B4GALNT3: variants seen among roughly 807,000 people sequenced by gnomAD.
B4GALNT3 encodes the protein beta-1,4-N-acetylgalactosaminyltransferase 3.
B4GALNT3 carries 86 observed loss-of-function variants against 120.2 expected under a neutral mutation model. That is an observed-to-expected ratio of 0.72 (90% CI 0.60 to 0.86). The LOEUF is 0.86. B4GALNT3 is among the 40% of genes least tolerant of loss of function. B4GALNT3 has a pLI of 0.00. For missense variants in B4GALNT3, 1,167 were observed against 1,298.9 expected, an observed-to-expected ratio of 0.90 and a Z score of 1.56; for synonymous variants, 518 against 510.4, an observed-to-expected ratio of 1.01 and a Z score of -0.20.
rs1947070565 is a variant in B4GALNT3 at position 550,622 on chromosome 12, A to T, written c.998-300A>T. Among the ~76,000 whole-genome samples the T allele has an allele frequency of 6.6e-6, 1 of 152,092 alleles. No homozygotes were observed. The highest frequency in any genetic ancestry group is 6.5e-5 in the Admixed American group (1 of 15,276). On this transcript the variant is annotated intron_variant, in intron 10 of 19. Coordinates refer to ENST00000266383, the MANE Select transcript of B4GALNT3 (RefSeq NM_173593.4). This position sits in a 1 kb window ranked among gnomAD's most constrained non-coding sequence, Gnocchi z 4.1. ...TTATCGGTACTGTACGAGGGAGGGG[A>T]CCTTCTGGCCTCTTAGAAGTTTCTA...
At chr12:478,538 T>C (rs1339626516) in intron 1 of B4GALNT3, among the ~76,000 whole-genome samples, 2 of 152,176 alleles carry the variant, frequency 1.3e-5, no homozygotes, top group African/African-American at 2.4e-5. Context: ...AAGGTACTTG[T>C]TAATACAAAA....
chr12:488,684 A>G (rs1946313127), intron 1 of B4GALNT3, among the ~76,000 whole-genome samples: 2 of 152,092 alleles, frequency 1.3e-5, no homozygotes, highest in South Asian at 2.1e-4. Context: ...TTTTTTAACA[A>G]TGGCACATGC....
chr12:530,634 A>T (rs938383729), intron 1 of B4GALNT3, among the ~76,000 whole-genome samples: 2 of 152,208 alleles, frequency 1.3e-5, no homozygotes, highest in African/African-American at 4.8e-5. Context: ...CCTTGAGCGG[A>T]TGACTTTGCC....
At position 562,983 on chromosome 12, in the gene B4GALNT3, G is replaced by A. The variant is rs902274466; in HGVS notation, c.*1532G>A. On this transcript the variant is annotated 3_prime_UTR_variant, in exon 20 of 20. Transcript: ENST00000266383. The surrounding 1 kb of genome is among the most constrained non-coding windows in gnomAD (Gnocchi z 5.2). ...TGGGCTCTGCATTCCCCGAGAGCAC[G>A]AGTTTGGCACATGGGAGAATGGAGC... The A allele has an allele frequency of 4.6e-5, 7 of 152,254 alleles. No homozygotes were observed. The highest frequency in any genetic ancestry group is 1.9e-4 in the East Asian group (1 of 5,194). The allele number at this position is 152,254 out of a possible 1,614,324, so 9.4% of individuals were successfully genotyped here.
At chr12:480,455 C>CAT (rs879357853) in intron 1 of B4GALNT3, among the ~76,000 whole-genome samples, 1 of 21,302 alleles carries the variant, frequency 4.7e-5, no homozygotes, top group South Asian at 1.2e-3. Flanking sequence ...GTCCCTCTGA[C>CAT]CCTGACATTA....
chr12:464,996 C>T (rs969319473), intron 1 of B4GALNT3, among the ~76,000 whole-genome samples: 3 of 152,134 alleles, frequency 2.0e-5, no homozygotes, highest in African/African-American at 7.2e-5. Context: ...CAGCAGTAAT[C>T]TGAGATGCAG....
rs529538422 is a variant in B4GALNT3 at position 542,475 on chromosome 12, A to G, written c.352-1864A>G. 5.3e-5 allele frequency among the ~76,000 whole-genome samples: 8 copies of G among 152,298 alleles called. No homozygotes were observed. In the South Asian group the frequency reaches 1.7e-3, roughly 32 times the overall value. ...GCCCAGATTTTGCTATCTCGTGGGCATGGCGGGGAGGCCAGGGCAGGCTGC... is the reference window on the plus strand; with the variant it reads ...GCCCAGATTTTGCTATCTCGTGGGCGTGGCGGGGAGGCCAGGGCAGGCTGC... On this transcript the variant is annotated intron_variant, in intron 3 of 19. Transcript: ENST00000266383.
At chr12:469,736 T>A (rs1482920623) in intron 1 of B4GALNT3, among the ~76,000 whole-genome samples, 1 of 152,168 alleles carries the variant, frequency 6.6e-6, no homozygotes, top group Non-Finnish European at 1.5e-5. Context: ...CTCACTCTGC[T>A]GCATACCCCT....
rs1947158678 is a variant in B4GALNT3 at position 556,605 on chromosome 12, G to A, written c.2119G>A (p.Gly707Ser). 6.2e-7 allele frequency: 1 copy of A among 1,613,946 alleles called. No homozygotes were observed. The highest frequency in any genetic ancestry group is 1.7e-5 in the Admixed American group (1 of 60,002). Residue 707 changes from glycine to serine, a missense_variant, in exon 15 of 20, where the codon GGT becomes AGT. Coordinates refer to ENST00000266383, the MANE Select transcript of B4GALNT3 (RefSeq NM_173593.4). ...AAAGCGTCAGGACCAGCTACGTGGGGGTCGCTACCTCCTGGAGCTTGAACT... is the reference window on the plus strand; with the variant it reads ...AAAGCGTCAGGACCAGCTACGTGGGAGTCGCTACCTCCTGGAGCTTGAACT... The part of the protein sequence containing the change: ...VEKRQDQLRG[G>S]RYLLELELLE...
Position 556,658 on chromosome 12 carries a change from G to A in B4GALNT3, c.2172G>A (p.Arg724=). ...ELLEQGQRVV[R]LSEYVSARGW... ...TGGAACAAGGCCAGCGCGTGGTGCG[G>A]CTCTCGGAGTATGTGTCTGCACGAG... is the stretch of plus-strand genomic sequence containing the variant. Residue 724 remains arginine, a synonymous_variant, in exon 15 of 20, where the codon CGG becomes CGA. Transcript: ENST00000266383. 2.5e-6 allele frequency: 4 copies of A among 1,614,008 alleles called. No homozygotes were observed. In the East Asian group the frequency reaches 8.9e-5, roughly 36 times the overall value.
chr12:551,465 G>T (rs906384017), intron 11 of B4GALNT3, among the ~76,000 whole-genome samples: 4 of 152,204 alleles, frequency 2.6e-5, no homozygotes, highest in Non-Finnish European at 5.9e-5. Flanking sequence ...AAAGAACCCA[G>T]AACCCATGCG....
At position 460,585 on chromosome 12, in the gene B4GALNT3, G is replaced by T. The variant is rs1366627116; in HGVS notation, c.169+40G>T. ...GGGGAGGCGAAGGGCGCGGGGGTGG[G>T]CGGCGGCGGCGGCTCCTGCGTTGGG... On this transcript the variant is annotated intron_variant, in intron 1 of 19. Coordinates refer to ENST00000266383, the MANE Select transcript of B4GALNT3 (RefSeq NM_173593.4). The surrounding 1 kb of genome is among the most constrained non-coding windows in gnomAD (Gnocchi z 8.0). 4 of 1,296,412 alleles carry T rather than the reference G, an allele frequency of 3.1e-6. No individual in the cohort carries two copies. The highest frequency in any genetic ancestry group is 4.3e-5 in the South Asian group (2 of 46,868). The allele number at this position is 1,296,412 out of a possible 1,614,324, so 80.3% of individuals were successfully genotyped here.
At chr12:556,965 T>A in intron 15 of B4GALNT3, 99 bp downstream of exon 15, 1 of 1,269,162 alleles carries the variant, frequency 7.9e-7, no homozygotes, top group Non-Finnish European at 1.1e-6. Context: ...CATAAGCACT[T>A]CTGAGAAAGA....
At chr12:513,012 GCCTTCCA>G (rs1345532514) in intron 1 of B4GALNT3, among the ~76,000 whole-genome samples, 153 of 59,060 alleles carry the variant, frequency 2.6e-3, no homozygotes, top group Middle Eastern at 0.03. Flanking sequence ...TCCACCTTCC[GCCTTCCA>G]CCTTCCACCT....
intron 1 of B4GALNT3, among the ~76,000 whole-genome samples, chr12:462,451 G>T (rs1475556091): frequency 6.7e-6 from 1 of 150,296 alleles, no homozygotes; most frequent in Non-Finnish European, 1.5e-5. Flanking sequence ...TCTGTCTCCC[G>T]TGGGCCGCCT....
At chr12:561,235 C>A in intron 19 of B4GALNT3, 108 bp from the exon 20 acceptor site, 1 of 783,816 alleles carries the variant, frequency 1.3e-6, no homozygotes, top group Non-Finnish European at 2.1e-6. Context: ...ACTGCACCTG[C>A]CTTCCCTGCC....
intron 3 of B4GALNT3, among the ~76,000 whole-genome samples, chr12:542,208 A>G (rs1435243149): frequency 6.6e-6 from 1 of 151,816 alleles, no homozygotes; most frequent in East Asian, 1.9e-4. Context: ...TTAGCGCCAC[A>G]CTCTGCTGCA....
At chr12:504,847 C>CA (rs1369542043) in intron 1 of B4GALNT3, among the ~76,000 whole-genome samples, 1 of 151,978 alleles carries the variant, frequency 6.6e-6, no homozygotes, top group Non-Finnish European at 1.5e-5. Flanking sequence ...CCCTCCCCCA[C>CA]AAAAACCCTT....
chr12:516,558 A>G (rs1946658575), intron 1 of B4GALNT3, among the ~76,000 whole-genome samples: 1 of 152,262 alleles, frequency 6.6e-6, no homozygotes, highest in South Asian at 2.1e-4. Context: ...TTGAGCAACC[A>G]TATAATTGAT....
Sources: gnomAD v4.1 joint callset for allele counts (sites outside exome capture counted in the v4.1 genomes callset) on GRCh38, gnomAD v4.1.1 for gene constraint, Gnocchi (gnomAD v3.1) non-coding constraint, MANE v1.5 for transcripts, NCBI Gene and HGNC (gene_info 2026-07-23, HGNC 2026-07-21) for gene names.